The following CBLN3 variants were observed in gnomAD, a reference collection of about 807,000 sequenced individuals.
CBLN3 encodes cerebellin 3 precursor.
A neutral mutation model predicts 17.4 loss-of-function variants in CBLN3; 14 were observed. That is an observed-to-expected ratio of 0.81 (90% CI 0.53 to 1.26). The LOEUF (loss-of-function observed/expected upper bound fraction) is 1.26. CBLN3 is among the 50% of genes most tolerant of loss of function. The pLI is 0.00. For missense variants in CBLN3, 263 were observed against 268.5 expected, an observed-to-expected ratio of 0.98 and a Z score of 0.14; for synonymous variants, 129 against 117.4, an observed-to-expected ratio of 1.10 and a Z score of -0.64.
Position 24,428,413 on chromosome 14 carries a change from A to T in CBLN3, c.301-8T>A. Reference sequence around the variant, plus strand: ...GCCCTCGTTCACCAGGACCTGGGGGAAGCAGAGCCTGCTGAGTGGGGCTCA... The same window carrying T: ...GCCCTCGTTCACCAGGACCTGGGGGTAGCAGAGCCTGCTGAGTGGGGCTCA... On this transcript the variant is annotated splice_region_variant and splice_polypyrimidine_tract_variant and intron_variant, in intron 1 of 2. Coordinates refer to ENST00000267406, the MANE Select transcript of CBLN3 (RefSeq NM_001039771.3). 6.2e-7 allele frequency: 1 copy of T among 1,613,540 alleles called. No homozygotes were observed.
Position 24,429,604 on chromosome 14 carries a change from A to G in CBLN3, c.-550T>C. On this transcript the variant is annotated 5_prime_UTR_variant, in exon 1 of 3. Coordinates refer to ENST00000267406, the MANE Select transcript of CBLN3 (RefSeq NM_001039771.3). ...ACCCTCCGCCTCCCGCCTCCCGCCT[A>G]CCCCCTCCGCCACGATTGCTTTGGT... 4.3e-6 allele frequency: 4 copies of G among 922,290 alleles called. No homozygotes were observed. Among genetic ancestry groups the G allele is most frequent in the Admixed American group, 3.8e-5 (1 of 26,640 alleles). The allele number at this position is 922,290 out of a possible 1,614,324, so 57.1% of individuals were successfully genotyped here. A position where few individuals can be genotyped will look rare whatever the true frequency, so the allele number is the denominator to read the frequency against.
At position 24,427,856 on chromosome 14, in the gene CBLN3, C is replaced by T. The variant is rs761676366; in HGVS notation, c.551G>A (p.Arg184His). Residue 184 changes from arginine to histidine, a missense_variant, in exon 3 of 3, where the codon CGT becomes CAT. Physicochemically the swap from Arg to His is conservative, Grantham distance 29. Coordinates refer to ENST00000267406, the MANE Select transcript of CBLN3 (RefSeq NM_001039771.3). This position sits in a 1 kb window ranked among gnomAD's most constrained non-coding sequence, Gnocchi z 4.4. ...CCAACCACCCAGTAGATTCCCCCGA[C>T]GCAGGCGCAGAGACACTCGGTCCCC... ...DPGDRVSLRL[R>H]RGNLLGGWKY... The T allele has an allele frequency of 5.1e-5, 83 of 1,613,996 alleles. No homozygotes were observed. Among genetic ancestry groups the T allele is most frequent in the East Asian group, 2.9e-4 (13 of 44,892 alleles).
At position 24,428,979 on chromosome 14, in the gene CBLN3, C is replaced by G; in HGVS notation, c.76G>C (p.Ala26Pro). 1 of 1,550,562 alleles carries G rather than the reference C, an allele frequency of 6.4e-7. No homozygotes were observed. Among genetic ancestry groups the G allele is most frequent in the Non-Finnish European group, 8.7e-7 (1 of 1,146,664 alleles). ...PGLPLVLVLLALGAGWAQEGS... is the reference protein window; with the variant it reads ...PGLPLVLVLLPLGAGWAQEGS... ...TCCTGGGCCCACCCGGCCCCCAGGG[C>G]CAGAAGCACCAGAACCAAGGGCAGC... Residue 26 changes from alanine (A) to proline (P), a missense_variant, in exon 1 of 3, where the codon GCC (alanine) becomes CCC (proline). Physicochemically the swap from Ala to Pro is conservative, Grantham distance 27. Coordinates refer to ENST00000267406, the MANE Select transcript of CBLN3 (RefSeq NM_001039771.3).
rs118124476 is a variant in CBLN3, at chr14:24,429,309, C to T, written c.-255G>A. The T allele has an allele frequency of 4.2e-4, 285 of 681,312 alleles. 1 individual carries two copies. The highest frequency in any genetic ancestry group is 3.4e-3 in the East Asian group (120 of 35,678). The allele number at this position is 681,312 out of a possible 1,614,324, so 42.2% of individuals were successfully genotyped here. A position where few individuals can be genotyped will look rare whatever the true frequency, so the allele number is the denominator to read the frequency against. On this transcript the variant is annotated 5_prime_UTR_variant, in exon 1 of 3. Transcript: ENST00000267406. ...TTGGGAGAGAAAGGAGGGATGAAGC[C>T]GCCTGCCCACTGGACGGGAGGGCTG...
Position 24,426,813 on chromosome 14 carries a change from G to A in CBLN3, c.*976C>T, listed in dbSNP as rs1176837675. On this transcript the variant is annotated 3_prime_UTR_variant, in exon 3 of 3. Transcript: ENST00000267406. ...TCCCAGGTAATAGGAAGCCTAAGGAGGAGAATAAGACAGCACAGATCAGGA... is the reference window on the plus strand; with the variant it reads ...TCCCAGGTAATAGGAAGCCTAAGGAAGAGAATAAGACAGCACAGATCAGGA... The A allele has an allele frequency of 6.6e-6, 1 of 152,326 alleles. No homozygotes were observed. Among genetic ancestry groups the A allele is most frequent in the African/African-American group, 2.4e-5 (1 of 41,436 alleles). The allele number at this position is 152,326 out of a possible 1,614,324, so 9.4% of individuals were successfully genotyped here.
At chr14:24,428,449 A>T (rs2043047274) in intron 1 of CBLN3, 44 bp from the exon 2 acceptor site, 1 of 1,610,006 alleles carries the variant, frequency 6.2e-7, no homozygotes, top group Non-Finnish European at 8.5e-7. Context: ...GGAAATGCCC[A>T]TGGCTCAGGG....
At chr14:24,428,094 G>T in intron 2 of CBLN3, 108 bp from the exon 3 acceptor site, 1 of 1,357,092 alleles carries the variant, frequency 7.4e-7, no homozygotes, top group Non-Finnish European at 1.0e-6. Context: ...GGCTCTCCCG[G>T]GAGGGCTGAG....
At chr14:24,428,044 C>G in intron 2 of CBLN3, 58 bp from the exon 3 acceptor site, 5 of 1,542,930 alleles carry the variant, frequency 3.2e-6, no homozygotes, top group Non-Finnish European at 4.4e-6. Context: ...GGACCCCCCA[C>G]TTTCCCAGGA....
In CBLN3 at chr14:24,429,217, C is replaced by A. The variant is rs2043060207; in HGVS notation, c.-163G>T. 2 of 722,102 alleles carry A rather than the reference C, an allele frequency of 2.8e-6. No homozygotes were observed. 44.7% of individuals were successfully genotyped at this position (722,102 alleles called of 1,614,324 possible). ...TGTCCCAGCTCTGTCCTGCCTCCCA[C>A]TCTTACTCCTGCTGTCACTGCAGTT... On this transcript the variant is annotated 5_prime_UTR_variant, in exon 1 of 3. Coordinates refer to ENST00000267406, the MANE Select transcript of CBLN3 (RefSeq NM_001039771.3).
chr14:24,428,998 G>A lies in CBLN3; in HGVS notation c.57C>T (p.Pro19=). Residue 19 remains proline (P), a synonymous_variant, in exon 1 of 3, where the codon CCC becomes CCT. Transcript: ENST00000267406. ...CCAGGGCCAGAAGCACCAGAACCAA[G>A]GGCAGCCCGGGACTGTGTAGGGGAC... ...LPGPLHSPGL[P]LVLVLLALGA... is the part of the protein sequence containing the mutation. The A allele has an allele frequency of 2.6e-6, 4 of 1,549,568 alleles. No homozygotes were observed. The highest frequency in any genetic ancestry group is 3.5e-6 in the Non-Finnish European group (4 of 1,146,078).
At position 24,429,096 on chromosome 14, in the gene CBLN3, C is replaced by A. The variant is rs58379089; in HGVS notation, c.-42G>T. ...AACCCACAAGTGCCCCGGTCTTCTG[C>A]CCCTCTTCTGTTTCCGCTCCTCTCC... On this transcript the variant is annotated 5_prime_UTR_variant, in exon 1 of 3. Coordinates refer to ENST00000267406, the MANE Select transcript of CBLN3 (RefSeq NM_001039771.3). 3.3e-3 allele frequency: 4,765 copies of A among 1,460,674 alleles called. 135 individuals are homozygous for A. In the African/African-American group the frequency reaches 0.061, roughly 19 times the overall value. The allele number at this position is 1,460,674 out of a possible 1,614,324, so 90.5% of individuals were successfully genotyped here. A position where few individuals can be genotyped will look rare whatever the true frequency, so the allele number is the denominator to read the frequency against.
In CBLN3 at chr14:24,427,999, G is replaced by A. The variant is rs746041135; in HGVS notation, c.421-13C>T. On this transcript the variant is annotated splice_polypyrimidine_tract_variant and intron_variant, in intron 2 of 2. Coordinates refer to ENST00000267406, the MANE Select transcript of CBLN3 (RefSeq NM_001039771.3). The surrounding 1 kb of genome is among the most constrained non-coding windows in gnomAD (Gnocchi z 4.4). ...GCATCAGGCTCACCTGGGGAGGGGA[G>A]CCCAGTTAGCCCCCATTCCCCAGCC... The A allele has an allele frequency of 1.9e-6, 3 of 1,609,796 alleles. No individual in the cohort carries two copies. In the South Asian group the frequency reaches 3.3e-5, roughly 18 times the overall value.
At position 24,428,886 on chromosome 14, in the gene CBLN3, C is replaced by CT; in HGVS notation, c.168dup (p.Gly57ArgfsTer27). The CT allele has an allele frequency of 6.3e-7, 1 of 1,596,464 alleles. No individual in the cohort carries two copies. The highest frequency in any genetic ancestry group is 2.3e-5 in the East Asian group (1 of 43,502). On this transcript the variant is annotated frameshift_variant, in exon 1 of 3. Coordinates refer to ENST00000267406, the MANE Select transcript of CBLN3 (RefSeq NM_001039771.3). LOFTEE classifies it high-confidence loss of function. Reference sequence around the variant, plus strand: ...CCCAGGGCTGCTCCCCCGGGCCCCCCTGCAGCAGCTCGGCCAGGCTCACAG... The same window carrying CT: ...CCCAGGGCTGCTCCCCCGGGCCCCCCTTGCAGCAGCTCGGCCAGGCTCACAG...
rs2043033103 is a variant in CBLN3 at position 24,427,653 on chromosome 14, T to C, written c.*136A>G. Reference sequence around the variant, plus strand: ...TACTCTTCTCTTAAACTTGGGTGTTTGGCACAGGGTCCCATGCAAAGAGGT... The same window carrying C: ...TACTCTTCTCTTAAACTTGGGTGTTCGGCACAGGGTCCCATGCAAAGAGGT... On this transcript the variant is annotated 3_prime_UTR_variant, in exon 3 of 3. Coordinates refer to ENST00000267406, the MANE Select transcript of CBLN3 (RefSeq NM_001039771.3). The surrounding 1 kb of genome is among the most constrained non-coding windows in gnomAD (Gnocchi z 4.4). 4.9e-6 allele frequency: 4 copies of C among 816,850 alleles called. No individual in the cohort carries two copies. The East Asian group carries it at 9.7e-5, about 20-fold the overall frequency. 50.6% of individuals were successfully genotyped at this position (816,850 alleles called of 1,614,324 possible). A position where few individuals can be genotyped will look rare whatever the true frequency, so the allele number is the denominator to read the frequency against.
At position 24,429,632 on chromosome 14, in the gene CBLN3, A is replaced by T. The variant is rs1419518580; in HGVS notation, c.-578T>A. 4.6e-5 allele frequency: 52 copies of T among 1,118,824 alleles called. No individual in the cohort carries two copies. The highest frequency in any genetic ancestry group is 4.9e-5 in the Non-Finnish European group (43 of 884,532). 69.3% of individuals were successfully genotyped at this position (1,118,824 alleles called of 1,614,324 possible). Reference sequence around the variant, plus strand: ...CCCTCCGCCACGATTGCTTTGGTGGAAAGTGCTTGGGCCTAGAGCACCAGT... The same window carrying T: ...CCCTCCGCCACGATTGCTTTGGTGGTAAGTGCTTGGGCCTAGAGCACCAGT... On this transcript the variant is annotated 5_prime_UTR_variant, in exon 1 of 3. Coordinates refer to ENST00000267406, the MANE Select transcript of CBLN3 (RefSeq NM_001039771.3).
intron 2 of CBLN3, 123 bp from the exon 3 acceptor site, chr14:24,428,109 G>T (rs552467240): frequency 3.1e-6 from 4 of 1,310,246 alleles, no homozygotes; most frequent in East Asian, 2.3e-5. Flanking sequence ...GCTGAGGGGC[G>T]GCCAGCATTG....
rs755798787 is a variant in CBLN3 at position 24,428,898 on chromosome 14, G to T, written c.157C>A (p.Arg53=). Residue 53 remains arginine, a synonymous_variant, in exon 1 of 3, where the codon CGA becomes AGA. Coordinates refer to ENST00000267406, the MANE Select transcript of CBLN3 (RefSeq NM_001039771.3). ...CCCCCGGGCCCCCCTGCAGCAGCTC[G>T]GCCAGGCTCACAGACCACCAGGCAC... ...GECLVVCEPG[R]AAAGGPGGAA... The T allele has an allele frequency of 5.7e-6, 9 of 1,583,568 alleles. No individual in the cohort carries two copies. The highest frequency in any genetic ancestry group is 6.9e-6 in the Non-Finnish European group (8 of 1,165,090).
chr14:24,428,258 C>T lies in CBLN3; in HGVS notation c.420+28G>A, dbSNP rs201446309. On this transcript the variant is annotated intron_variant, in intron 2 of 2. Coordinates refer to ENST00000267406, the MANE Select transcript of CBLN3 (RefSeq NM_001039771.3). ...CTTCCCCCTCCCCACCCTCCTGAGCCGGGGATGGGGGCCAGTGCTGAGGTC... is the reference window on the plus strand; with the variant it reads ...CTTCCCCCTCCCCACCCTCCTGAGCTGGGGATGGGGGCCAGTGCTGAGGTC... 2,916 of 1,611,652 alleles carry T rather than the reference C, an allele frequency of 1.8e-3. 6 individuals carry two copies. The highest frequency in any genetic ancestry group is 2.2e-3 in the Non-Finnish European group (2,556 of 1,179,278).
In CBLN3 at chr14:24,429,408, G is replaced by A. The variant is rs966555658; in HGVS notation, c.-354C>T. On this transcript the variant is annotated 5_prime_UTR_variant, in exon 1 of 3. Coordinates refer to ENST00000267406, the MANE Select transcript of CBLN3 (RefSeq NM_001039771.3). ...TGGACCTGGGGGGATGGAGAACATGGTATGTGTGTGTGACGGGTGTGACAG... is the reference window on the plus strand; with the variant it reads ...TGGACCTGGGGGGATGGAGAACATGATATGTGTGTGTGACGGGTGTGACAG... 1 of 563,890 alleles carries A rather than the reference G, an allele frequency of 1.8e-6. No homozygotes were observed. The highest frequency in any genetic ancestry group is 3.4e-6 in the Non-Finnish European group (1 of 297,016). 34.9% of individuals were successfully genotyped at this position (563,890 alleles called of 1,614,324 possible). A position where few individuals can be genotyped will look rare whatever the true frequency, so the allele number is the denominator to read the frequency against.
Sources: allele counts gnomAD v4.1 joint callset, GRCh38; gene constraint gnomAD v4.1.1; non-coding constraint Gnocchi (gnomAD v3.1); transcripts MANE v1.5; gene names NCBI Gene and HGNC (gene_info 2026-07-23, HGNC 2026-07-21).